The following ANO7 variants were observed in gnomAD, a reference collection of about 807,000 sequenced individuals.
ANO7 encodes the protein anoctamin-7.
A neutral mutation model predicts 115.8 loss-of-function variants in ANO7; 114 were observed. That is an observed-to-expected ratio of 0.98 (90% CI 0.85 to 1.15). The LOEUF (loss-of-function observed/expected upper bound fraction) is 1.15. Ranked by LOEUF, ANO7 falls within the 50% of genes most tolerant of loss-of-function variation. The pLI, the probability that ANO7 is intolerant of heterozygous loss-of-function variation, is 0.00. For missense variants in ANO7, 1,302 were observed against 1,201.2 expected (o/e 1.08, Z -1.24); for synonymous variants, 550 against 498.2 (o/e 1.10, Z -1.38).
Position 241,210,664 on chromosome 2 carries a change from C to T in ANO7, c.1561+94C>T, listed in dbSNP as rs939429243. On this transcript the variant is annotated intron_variant, in intron 15 of 24. Coordinates refer to ENST00000674324, the MANE Select transcript of ANO7 (RefSeq NM_001370694.2). The stretch of plus-strand genomic sequence containing the variant: ...CTTTCTCACTCACTGACACACATGG[C>T]CCTCATTTCTATTTCTTTCTTCTTT... The T allele has an allele frequency of 1.5e-5, 15 of 1,006,596 alleles. No individual in the cohort carries two copies. The South Asian group carries it at 2.0e-4, about 13-fold the overall frequency. The allele number at this position is 1,006,596 out of a possible 1,614,324, so 62.4% of individuals were successfully genotyped here.
downstream of ANO7, chr2:241,229,705 A>T (rs1343698452): frequency 6.2e-7 from 1 of 1,613,406 alleles, no homozygotes; most frequent in East Asian, 2.2e-5. Flanking sequence ...GAGAGAGGAC[A>T]CGGCTTCAGG....
At chr2:241,234,536 T>G in the ANO7 span, among the ~76,000 whole-genome samples, 39 of 152,276 alleles carry the variant, frequency 2.6e-4, no homozygotes, top group East Asian at 7.5e-3. Context: ...GCCAACCCCC[T>G]TAGCAAACCA....
chr2:241,217,286 T>G (rs1461434269), intron 19 of ANO7, among the ~76,000 whole-genome samples: 1 of 151,882 alleles, frequency 6.6e-6, no homozygotes, highest in Non-Finnish European at 1.5e-5. Context: ...ACCCCAATGA[T>G]CTCACTAGTA....
rs1234405047 is a variant in ANO7, at chr2:241,221,600, A to AACTCCGAACCTCAGGTATCTGCC, written c.2322-1585_2322-1563dup. 3.8e-3 allele frequency among the ~76,000 whole-genome samples: 585 copies of AACTCCGAACCTCAGGTATCTGCC among 152,016 alleles called. 6 individuals carry two copies. Among genetic ancestry groups the AACTCCGAACCTCAGGTATCTGCC allele is most frequent in the African/African-American group, 0.014 (560 of 41,398 alleles). ...CACCATGTTGGCCAGGCTGGTCTCA[A>AACTCCGAACCTCAGGTATCTGCC]ACTCCGAACCTCAGGTATCTGCCCA... On this transcript the variant is annotated intron_variant, in intron 21 of 24. Transcript: ENST00000674324.
the ANO7 span, chr2:241,239,874 A>T: frequency 3.1e-6 from 5 of 1,612,432 alleles, no homozygotes; most frequent in Non-Finnish European, 4.2e-6. This position sits in a 1 kb window ranked among gnomAD's most constrained non-coding sequence, Gnocchi z 4.6. Flanking sequence ...GCCCCAGCAG[A>T]GTCGGCCGCC....
intron 5 of ANO7, 91 bp downstream of exon 5, chr2:241,199,514 C>T: frequency 7.5e-7 from 1 of 1,335,694 alleles, no homozygotes; most frequent in Non-Finnish European, 1.1e-6. Flanking sequence ...CTCAGGAGGG[C>T]TCCCTGCTCA....
At chr2:241,195,556 A>G (rs1384252665) in intron 3 of ANO7, 147 bp from the exon 4 acceptor site, 1 of 733,102 alleles carries the variant, frequency 1.4e-6, no homozygotes, top group Admixed American at 2.4e-5. Context: ...CCTGGCTGGG[A>G]CCAGAGAGGG....
At chr2:241,235,559 G>A in the ANO7 span, 27 of 1,614,084 alleles carry the variant, frequency 1.7e-5, no homozygotes, top group Non-Finnish European at 2.2e-5. Context: ...GAAGGTCAAA[G>A]GGCACCTCTA....
intron 17 of ANO7, among the ~76,000 whole-genome samples, chr2:241,214,302 A>G (rs2068774863): frequency 6.6e-6 from 1 of 152,204 alleles, no homozygotes. Context: ...AGGTGTTAAA[A>G]ATGCTGCACT....
intron 23 of ANO7, 34 bp downstream of exon 23, chr2:241,223,815 C>A: frequency 3.7e-6 from 6 of 1,614,160 alleles, no homozygotes; most frequent in Non-Finnish European, 5.1e-6. Context: ...GCCCTCCCCC[C>A]AGCCCTCTCC....
At chr2:241,205,085 G>A in intron 10 of ANO7, 130 bp downstream of exon 10, 2 of 719,274 alleles carry the variant, frequency 2.8e-6, no homozygotes, top group Non-Finnish European at 4.8e-6. Context: ...TGTGAGGTGA[G>A]CACATGCCTG....
In ANO7 at chr2:241,199,400, C is replaced by T; in HGVS notation, c.394C>T (p.Leu132=). ...WAVLCYYAED[L]RLKLPLQELP... ...TGTGCTCTGCTACTACGCCGAAGAC[C>T]TGCGCCTGAAGCTGCCCTTGCAGGT... Residue 132 remains leucine (L), a synonymous_variant, in exon 5 of 25, where the codon CTG becomes TTG. Transcript: ENST00000674324. 6.2e-7 allele frequency: 1 copy of T among 1,613,862 alleles called. No individual in the cohort carries two copies. Among genetic ancestry groups the T allele is most frequent in the East Asian group, 2.2e-5 (1 of 44,886 alleles).
the ANO7 span, among the ~76,000 whole-genome samples, chr2:241,234,614 A>G: frequency 6.6e-6 from 1 of 152,126 alleles, no homozygotes; most frequent in Non-Finnish European, 1.5e-5. Context: ...TGCTCACACA[A>G]TCCTCCAAAT....
Position 241,210,534 on chromosome 2 carries a change from A to G in ANO7, c.1525A>G (p.Ile509Val). ...CGTCTTCATCCTCATCCTCTCCAAG[A>G]TCTATGTATCCCTGGCCCACGTCCT... Reference protein sequence around the residue: ...NLVFILILSKIYVSLAHVLTR... With the variant: ...NLVFILILSKVYVSLAHVLTR... Residue 509 changes from isoleucine (I) to valine (V), a missense_variant, in exon 15 of 25, where the codon ATC becomes GTC. Coordinates refer to ENST00000674324, the MANE Select transcript of ANO7 (RefSeq NM_001370694.2). The G allele has an allele frequency of 6.2e-7, 1 of 1,613,846 alleles. No homozygotes were observed. The highest frequency in any genetic ancestry group is 8.5e-7 in the Non-Finnish European group (1 of 1,179,970).
intron 23 of ANO7, 46 bp from the exon 24 acceptor site, chr2:241,223,859 A>G (rs780767080): frequency 1.2e-6 from 2 of 1,613,646 alleles, no homozygotes; most frequent in Non-Finnish European, 1.7e-6. Context: ...ACCTCCGGAC[A>G]CTGAGTCACA....
the ANO7 span, chr2:241,239,477 T>C: frequency 2.7e-6 from 2 of 737,876 alleles, no homozygotes; most frequent in Non-Finnish European, 4.5e-6. This position sits in a 1 kb window ranked among gnomAD's most constrained non-coding sequence, Gnocchi z 4.6. Context: ...GAAAGCCCCT[T>C]CTGAAGCCTT....
the ANO7 span, chr2:241,238,602 G>T: frequency 2.1e-6 from 3 of 1,411,380 alleles, no homozygotes; most frequent in Non-Finnish European, 2.8e-6. The surrounding 1 kb of genome is among the most constrained non-coding windows in gnomAD (Gnocchi z 4.9). Context: ...CTCTCACATG[G>T]GAGGCGCCAC....
intron 22 of ANO7, 179 bp from the exon 23 acceptor site, chr2:241,223,483 G>A: frequency 9.1e-7 from 1 of 1,095,658 alleles, no homozygotes; most frequent in Non-Finnish European, 1.3e-6. Context: ...GTCTCCACAG[G>A]AGCCCCAGGG....
At chr2:241,220,001 T>C (rs1327429643) in intron 21 of ANO7, among the ~76,000 whole-genome samples, 1 of 152,194 alleles carries the variant, frequency 6.6e-6, no homozygotes, top group African/African-American at 2.4e-5. Context: ...CTCCATCTTA[T>C]TATTGTTACA....
Sources: allele counts gnomAD v4.1 joint callset (sites outside exome capture counted in the v4.1 genomes callset), GRCh38; gene constraint gnomAD v4.1.1; non-coding constraint Gnocchi (gnomAD v3.1); transcripts MANE v1.5; gene names NCBI Gene and HGNC (gene_info 2026-07-23, HGNC 2026-07-21).